The following KCNMA1 variants were observed in gnomAD, a reference collection of about 807,000 sequenced individuals.
KCNMA1 encodes the protein potassium calcium-activated channel subfamily M alpha 1.
KCNMA1 carries 29 observed loss-of-function variants against 140.0 expected under a neutral mutation model. The ratio of observed to expected loss-of-function variants is 0.21; its 90% CI spans 0.15 to 0.28. The LOEUF (loss-of-function observed/expected upper bound fraction) is 0.28, where lower values mean the gene tolerates loss of function less well. Ranked by LOEUF, KCNMA1 falls within the 10% of genes least tolerant of loss-of-function variation. KCNMA1 has a pLI of 1.00. For missense variants in KCNMA1, 880 were observed against 1,602.2 expected (o/e 0.55, Z 7.70); for synonymous variants, 612 against 611.9 (o/e 1.00, Z 0.00).
At chr10:77,012,359 T>A in intron 17 of KCNMA1, 1 of 1,488,296 alleles carries the variant, frequency 6.7e-7, no homozygotes, top group Non-Finnish European at 8.9e-7. Context: ...CCTTTGATGC[T>A]ACTCGTGGGG....
At chr10:76,880,150 A>C (rs1897593), downstream of KCNMA1, among the ~76,000 whole-genome samples, 22,180 of 152,166 alleles carry the variant, frequency 0.15, 2,992 homozygotes, top group African/African-American at 0.36. Flanking sequence ...ACAACTGCTG[A>C]AGAGAATAAT....
At chr10:77,278,628 A>G (rs1291547728) in intron 2 of KCNMA1, among the ~76,000 whole-genome samples, 1 of 152,226 alleles carries the variant, frequency 6.6e-6, no homozygotes, top group Non-Finnish European at 1.5e-5. Flanking sequence ...AAGACAAAAA[A>G]TATTTTCTCT....
intron 1 of KCNMA1, among the ~76,000 whole-genome samples, chr10:77,428,837 C>G (rs914321311): frequency 6.6e-6 from 1 of 152,198 alleles, no homozygotes; most frequent in African/African-American, 2.4e-5. Context: ...GCCAGATAGT[C>G]TTCTTGGAAT....
intron 23 of KCNMA1, among the ~76,000 whole-genome samples, chr10:76,941,082 A>AGAAAGAAAGAAGGG (rs2062047880): frequency 7.8e-6 from 1 of 128,358 alleles, no homozygotes; most frequent in African/African-American, 3.5e-5. Flanking sequence ...AGAAAGAAAG[A>AGAAAGAAAGAAGGG]AAGAGAAAGA....
intron 2 of KCNMA1, among the ~76,000 whole-genome samples, chr10:77,391,984 C>CT (rs1457356502): frequency 6.6e-6 from 1 of 151,238 alleles, no homozygotes; most frequent in African/African-American, 2.4e-5. Context: ...CTCTGAAGGC[C>CT]TTGGGGGAAA....
rs1434321308 is a variant in KCNMA1, at chr10:77,366,866, A to G, written c.540+36996T>C. Among the ~76,000 whole-genome samples the G allele has an allele frequency of 2.6e-5, 4 of 152,176 alleles. No individual in the cohort carries two copies. In the South Asian group the frequency reaches 8.3e-4, roughly 32 times the overall value. On this transcript the variant is annotated intron_variant, in intron 2 of 27. Transcript: ENST00000286628. ...TTCATTATTTTCCCCATAGTTCCTA[A>G]GAGGATACTTTCCTGCTTCTGAAAC... is the stretch of plus-strand genomic sequence containing the variant.
At chr10:77,253,064 G>A (rs113093235) in intron 2 of KCNMA1, among the ~76,000 whole-genome samples, 1,998 of 152,184 alleles carry the variant, frequency 0.013, 54 homozygotes, top group African/African-American at 0.046. Context: ...GCAGGCCTTC[G>A]CTTTTTCCTC....
At chr10:77,388,582 A>C (rs2095698080) in intron 2 of KCNMA1, among the ~76,000 whole-genome samples, 2 of 152,194 alleles carry the variant, frequency 1.3e-5, no homozygotes, top group Non-Finnish European at 2.9e-5. Context: ...ATGTACACAA[A>C]ATTATCTTTC....
chr10:77,242,437 A>G (rs1167826316), intron 3 of KCNMA1, among the ~76,000 whole-genome samples: 1 of 152,124 alleles, frequency 6.6e-6, no homozygotes, highest in Non-Finnish European at 1.5e-5. Flanking sequence ...GGGCAGACTG[A>G]GTTTTCTGTC....
intron 18 of KCNMA1, among the ~76,000 whole-genome samples, chr10:77,007,878 A>C (rs1446378914): frequency 6.6e-6 from 1 of 151,896 alleles, no homozygotes; most frequent in African/African-American, 2.4e-5. Flanking sequence ...GGCCTTCAAG[A>C]GAAACACACT....
intron 5 of KCNMA1, among the ~76,000 whole-genome samples, chr10:77,163,787 C>A (rs1381228132): frequency 6.6e-6 from 1 of 152,162 alleles, no homozygotes; most frequent in African/African-American, 2.4e-5. Context: ...GTCTTTGCTC[C>A]TTCCTTTTTC....
intron 5 of KCNMA1, among the ~76,000 whole-genome samples, chr10:77,177,208 C>A (rs565843001): frequency 6.6e-6 from 1 of 152,304 alleles, no homozygotes; most frequent in East Asian, 1.9e-4. Context: ...GGTTGTGAGG[C>A]TGATGCTTGG....
intron 1 of KCNMA1, among the ~76,000 whole-genome samples, chr10:77,583,687 T>C (rs1286824553): frequency 6.6e-6 from 1 of 152,230 alleles, no homozygotes; most frequent in Non-Finnish European, 1.5e-5. Flanking sequence ...GTTGCCTCCC[T>C]GGCCTGGGGC....
chr10:77,179,570 G>A (rs1017590524), intron 5 of KCNMA1, among the ~76,000 whole-genome samples: 4 of 152,148 alleles, frequency 2.6e-5, no homozygotes, highest in East Asian at 1.9e-4. Flanking sequence ...ATGGAGGGAT[G>A]CCAACACAAC....
chr10:77,522,769 C>G (rs2053936252), intron 1 of KCNMA1, among the ~76,000 whole-genome samples: 1 of 152,174 alleles, frequency 6.6e-6, no homozygotes, highest in Admixed American at 6.5e-5. Flanking sequence ...CTTGGGGCAA[C>G]CAATGGTTTA....
At chr10:77,105,375 G>A (rs537599646) in intron 9 of KCNMA1, among the ~76,000 whole-genome samples, 3 of 152,270 alleles carry the variant, frequency 2.0e-5, no homozygotes, top group Admixed American at 6.5e-5. Context: ...TTTGGGTGTT[G>A]TACAAACAAA....
chr10:76,937,167 A>AAT (rs1389808567), intron 23 of KCNMA1, among the ~76,000 whole-genome samples: 3 of 152,168 alleles, frequency 2.0e-5, no homozygotes, highest in South Asian at 4.1e-4. Context: ...CTGTTCTGGA[A>AAT]ATATCTTCCT....
chr10:77,224,122 G>A (rs1460253188), intron 3 of KCNMA1, among the ~76,000 whole-genome samples: 2 of 152,218 alleles, frequency 1.3e-5, no homozygotes, highest in Admixed American at 1.3e-4. Flanking sequence ...GGATGGTACA[G>A]TTCCACAGAC....
At chr10:77,634,007 T>C (rs962880765) in intron 1 of KCNMA1, 1 of 300,006 alleles carries the variant, frequency 3.3e-6, no homozygotes, top group Non-Finnish European at 4.9e-6. Context: ...AACTCCTCCC[T>C]CTCTCCTATA....
Sources: allele counts gnomAD v4.1 joint callset (sites outside exome capture counted in the v4.1 genomes callset), GRCh38; gene constraint gnomAD v4.1.1; transcripts MANE v1.5; gene names NCBI Gene and HGNC (gene_info 2026-07-23, HGNC 2026-07-21).